LRIF1: variants seen among roughly 807,000 people sequenced by gnomAD.
The protein encoded by LRIF1 is ligand dependent nuclear receptor interacting factor 1.
LRIF1 carries 32 observed loss-of-function variants against 52.7 expected under a neutral mutation model. The ratio of observed to expected loss-of-function variants is 0.61; its 90% CI spans 0.46 to 0.82. The LOEUF is 0.82. Among genes scored for constraint, LRIF1 ranks in the 40% least tolerant of loss-of-function variants. The probability of loss-of-function intolerance (pLI) is 0.00; values close to 1 mark genes in which losing one functional copy is unlikely to be tolerated. For synonymous variants in LRIF1, 323 were observed against 317.4 expected, an observed-to-expected ratio of 1.02 and a Z score of -0.19; for missense variants, 887 against 892.0, an observed-to-expected ratio of 0.99 and a Z score of 0.07.
At chr1:110,941,292 G>A in the LRIF1 span, 1 of 151,998 alleles carries the variant, frequency 6.6e-6, no homozygotes, top group South Asian at 2.1e-4. Flanking sequence ...TTCTTAATCT[G>A]TCTACATTTA....
At position 110,951,918 on chromosome 1, in the gene LRIF1, TACA is replaced by T. The variant is rs1557839450; in HGVS notation, c.963_965del (p.Phe321_Val322delinsLeu). On this transcript the variant is annotated inframe_deletion, in exon 2 of 4. Transcript: ENST00000369763. ...TATTATCTCCCAAATTTTTCCTATC[TACA>T]AAAGTTTTTAAAATCTTTGAAGCCA... The T allele has an allele frequency of 3.1e-6, 5 of 1,614,058 alleles. No homozygotes were observed. Among genetic ancestry groups the T allele is most frequent in the Non-Finnish European group, 3.4e-6 (4 of 1,179,988 alleles).
intron 3 of LRIF1, among the ~76,000 whole-genome samples, chr1:110,949,482 C>A (rs1197978467): frequency 6.7e-6 from 1 of 149,418 alleles, no homozygotes; most frequent in Non-Finnish European, 1.5e-5. Context: ...TGCAATGGTG[C>A]GATCTCGGTT....
At chr1:110,923,925 A>T in the LRIF1 span, among the ~76,000 whole-genome samples, 1 of 152,186 alleles carries the variant, frequency 6.6e-6, no homozygotes, top group Non-Finnish European at 1.5e-5. Context: ...CATGTAGAAG[A>T]TAGGATCAAT....
the LRIF1 span, among the ~76,000 whole-genome samples, chr1:110,920,431 G>C: frequency 0.79 from 120,027 of 152,112 alleles, 47,537 homozygotes; most frequent in East Asian, 0.9. Context: ...ATAAGCCAAT[G>C]TGAAGGCTAC....
At chr1:110,928,607 G>GA in the LRIF1 span, among the ~76,000 whole-genome samples, 1 of 152,060 alleles carries the variant, frequency 6.6e-6, no homozygotes, top group African/African-American at 2.4e-5. Context: ...AGCGCTGTAG[G>GA]AAAAAATGTT....
rs780013246 is a variant in LRIF1 at position 110,951,331 on chromosome 1, G to C, written c.1553C>G (p.Thr518Ser). ...EKISSSVDAT[T>S]VTSQQCVFRD... ...GAAAACACACTGTTGTGAAGTAACA[G>C]TTGTTGCATCAACAGAGGAACTTAT... The change falls in exon 2 of 4, where the codon ACT (threonine) becomes AGT (serine). Residue 518 changes from threonine (T) to serine (S), a missense_variant. Thr to Ser is a moderately conservative substitution (Grantham distance 58). Coordinates refer to ENST00000369763, the MANE Select transcript of LRIF1 (RefSeq NM_018372.4). The C allele has an allele frequency of 3.2e-5, 52 of 1,613,948 alleles. No individual in the cohort carries two copies. In the East Asian group the frequency reaches 9.1e-4, roughly 28 times the overall value.
the LRIF1 span, among the ~76,000 whole-genome samples, chr1:110,875,944 A>T: frequency 6.6e-6 from 1 of 152,224 alleles, no homozygotes; most frequent in Non-Finnish European, 1.5e-5. Context: ...TATCCATTTC[A>T]TAAGCACACA....
At chr1:110,907,696 G>A in the LRIF1 span, among the ~76,000 whole-genome samples, 389 of 152,090 alleles carry the variant, frequency 2.6e-3, 1 homozygote, top group African/African-American at 9.0e-3. Context: ...ATTGCACCAC[G>A]GCACTCCAGC....
At chr1:110,888,708 A>C in the LRIF1 span, among the ~76,000 whole-genome samples, 1 of 152,234 alleles carries the variant, frequency 6.6e-6, no homozygotes, top group Admixed American at 6.5e-5. Context: ...AAAATACTAT[A>C]ATTTAAAAAT....
the LRIF1 span, among the ~76,000 whole-genome samples, chr1:110,887,692 T>A: frequency 2.0e-5 from 3 of 152,348 alleles, no homozygotes; most frequent in East Asian, 5.8e-4. Flanking sequence ...TTCTGTGTAC[T>A]CTAGCCTGTG....
the LRIF1 span, among the ~76,000 whole-genome samples, chr1:110,894,048 T>A: frequency 6.6e-6 from 1 of 152,196 alleles, no homozygotes; most frequent in Non-Finnish European, 1.5e-5. Context: ...TTGCTTAACT[T>A]ATTCAACAGG....
chr1:110,893,630 T>C, the LRIF1 span, among the ~76,000 whole-genome samples: 1 of 152,318 alleles, frequency 6.6e-6, no homozygotes, highest in Admixed American at 6.5e-5. Context: ...TCTGTATGGG[T>C]CAACTCTTAA....
At chr1:110,881,266 C>G in the LRIF1 span, among the ~76,000 whole-genome samples, 1 of 152,098 alleles carries the variant, frequency 6.6e-6, no homozygotes, top group Non-Finnish European at 1.5e-5. Flanking sequence ...CCTCCCCCAC[C>G]TTCATCCTCA....
the LRIF1 span, among the ~76,000 whole-genome samples, chr1:110,889,369 A>AC: frequency 6.6e-6 from 1 of 151,784 alleles, no homozygotes. Context: ...AGCCTGGCCA[A>AC]CATGGTGAAA....
chr1:110,892,318 A>T, the LRIF1 span: 1 of 1,589,800 alleles, frequency 6.3e-7, no homozygotes, highest in South Asian at 1.1e-5. Flanking sequence ...ATTTTGCTTC[A>T]GGATGTTGTG....
downstream of LRIF1, chr1:110,944,849 TTTAG>T (rs1658165649): frequency 6.6e-6 from 1 of 152,052 alleles, no homozygotes; most frequent in Non-Finnish European, 1.5e-5. Context: ...TAAATTTAGC[TTTAG>T]TATTAGAGAT....
intron 1 of LRIF1, 125 bp downstream of exon 1, chr1:110,963,496 T>C (rs1053724405): frequency 5.7e-6 from 4 of 701,178 alleles, no homozygotes; most frequent in African/African-American, 5.4e-5. Flanking sequence ...GCTTCCCGCC[T>C]GGGTGGCGCA....
chr1:110,927,336 C>T, the LRIF1 span, among the ~76,000 whole-genome samples: 5 of 152,106 alleles, frequency 3.3e-5, no homozygotes, highest in African/African-American at 1.2e-4. Context: ...TGTCTTTCCT[C>T]CTGATCCTAG....
At chr1:110,898,602 T>C in the LRIF1 span, among the ~76,000 whole-genome samples, 1 of 152,126 alleles carries the variant, frequency 6.6e-6, no homozygotes, top group Non-Finnish European at 1.5e-5. Flanking sequence ...TTCCTCTTTG[T>C]TTCTGTGCTT....
Sources: allele counts gnomAD v4.1 joint callset (sites outside exome capture counted in the v4.1 genomes callset), GRCh38; gene constraint gnomAD v4.1.1; transcripts MANE v1.5; gene names NCBI Gene and HGNC (gene_info 2026-07-23, HGNC 2026-07-21).